CHPF2: variants seen among roughly 807,000 people sequenced by gnomAD.
CHPF2 encodes chondroitin polymerizing factor 2.
In CHPF2, 58 loss-of-function variants were observed where a neutral mutation model predicts 63.0. The ratio of observed to expected loss-of-function variants is 0.92; its 90% CI spans 0.75 to 1.15. CHPF2 has a LOEUF of 1.15. Among genes scored for constraint, CHPF2 ranks in the 50% most tolerant of loss-of-function variants. CHPF2 has a pLI of 0.00. For missense variants in CHPF2, 1,045 were observed against 1,035.4 expected (o/e 1.01, Z -0.13); for synonymous variants, 442 against 438.0 (o/e 1.01, Z -0.11).
Position 151,237,743 on chromosome 7 carries a change from G to C in CHPF2, c.1381G>C (p.Ala461Pro). Reference sequence around the variant, plus strand: ...TGTGACACAGCGTGGGCACCGGCGGGCCCTGGCTCGCAGGGTCAGCCTGCT... The same window carrying C: ...TGTGACACAGCGTGGGCACCGGCGGCCCCTGGCTCGCAGGGTCAGCCTGCT... The part of the protein sequence containing the change: ...ECVTQRGHRR[A>P]LARRVSLLRP... The change falls in exon 4 of 4, where the codon GCC (alanine) becomes CCC (proline). Residue 461 changes from alanine to proline, a missense_variant. Transcript: ENST00000035307. The C allele has an allele frequency of 6.2e-7, 1 of 1,612,456 alleles. No homozygotes were observed. Among genetic ancestry groups the C allele is most frequent in the East Asian group, 2.2e-5 (1 of 44,884 alleles).
In CHPF2 at chr7:151,238,501, G is replaced by C. The variant is rs779361524; in HGVS notation, c.2139G>C (p.Gly713=). ...EVMDVFLRFS[G]LHLFRAVEPG... ...TGGATGTTTTCCTCCGGTTCTCAGG[G>C]CTCCACCTCTTTCGGGCCGTAGAGC... The change falls in exon 4 of 4, where the codon GGG becomes GGC. Residue 713 remains glycine (G), a synonymous_variant. Coordinates refer to ENST00000035307, the MANE Select transcript of CHPF2 (RefSeq NM_019015.3). 2 of 1,599,794 alleles carry C rather than the reference G, an allele frequency of 1.3e-6. No homozygotes were observed. Among genetic ancestry groups the C allele is most frequent in the Admixed American group, 3.4e-5 (2 of 58,948 alleles).
Position 151,237,813 on chromosome 7 carries a change from C to T in CHPF2, c.1451C>T (p.Thr484Ile), listed in dbSNP as rs1357390354. Residue 484 changes from threonine (T) to isoleucine (I), a missense_variant, in exon 4 of 4, where the codon ACT (threonine) becomes ATT (isoleucine). Coordinates refer to ENST00000035307, the MANE Select transcript of CHPF2 (RefSeq NM_019015.3). Reference sequence around the variant, plus strand: ...GAAATCCTACCTATGCCCTATGTCACTGAGGCCACCCGAGTGCAGCTGGTG... The same window carrying T: ...GAAATCCTACCTATGCCCTATGTCATTGAGGCCACCCGAGTGCAGCTGGTG... ...RVEILPMPYV[T>I]EATRVQLVLP... The T allele has an allele frequency of 5.6e-6, 9 of 1,612,702 alleles. No homozygotes were observed. Among genetic ancestry groups the T allele is most frequent in the Non-Finnish European group, 5.9e-6 (7 of 1,180,020 alleles).
chr7:151,233,110 T>A lies in CHPF2; in HGVS notation c.-902T>A. The A allele has an allele frequency of 8.5e-7, 1 of 1,179,690 alleles. No homozygotes were observed. The highest frequency in any genetic ancestry group is 1.0e-6 in the Non-Finnish European group (1 of 953,414). 73.1% of individuals were successfully genotyped at this position (1,179,690 alleles called of 1,614,324 possible). The stretch of plus-strand genomic sequence containing the variant: ...GTCTCTAGTTGCTGCTTGTGCTCTC[T>A]CTTTGCTTTTGGTTTGCTTCATTTG... On this transcript the variant is annotated 5_prime_UTR_variant, in exon 1 of 4. Coordinates refer to ENST00000035307, the MANE Select transcript of CHPF2 (RefSeq NM_019015.3).
Position 151,238,019 on chromosome 7 carries a change from G to C in CHPF2, c.1657G>C (p.Glu553Gln). 1 of 1,613,006 alleles carries C rather than the reference G, an allele frequency of 6.2e-7. No homozygotes were observed. The highest frequency in any genetic ancestry group is 8.5e-7 in the Non-Finnish European group (1 of 1,180,032). The change falls in exon 4 of 4, where the codon GAG becomes CAG. Residue 553 changes from glutamate (E) to glutamine (Q), a missense_variant. By Grantham distance (29) the Glu-to-Gln change is conservative. Transcript: ENST00000035307. ...LGVKAAAAELERRYPGTRLAW... is the reference protein window; with the variant it reads ...LGVKAAAAELQRRYPGTRLAW... Reference sequence around the variant, plus strand: ...GGTGAAGGCTGCAGCAGCGGAGTTAGAGCGACGGTACCCTGGGACGAGGCT... The same window carrying C: ...GGTGAAGGCTGCAGCAGCGGAGTTACAGCGACGGTACCCTGGGACGAGGCT...
chr7:151,234,134 C>T lies in CHPF2; in HGVS notation c.123C>T (p.Pro41=). 2 of 1,613,174 alleles carry T rather than the reference C, an allele frequency of 1.2e-6. No homozygotes were observed. The highest frequency in any genetic ancestry group is 1.7e-6 in the Non-Finnish European group (2 of 1,179,566). Residue 41 remains proline, a synonymous_variant, in exon 1 of 4, where the codon CCC becomes CCT. Coordinates refer to ENST00000035307, the MANE Select transcript of CHPF2 (RefSeq NM_019015.3). The part of the protein sequence containing the change: ...VSWIQGEGED[P]CVEAVGERGG... ...GGATCCAGGGGGAGGGAGAAGATCC[C>T]TGTGTCGAGGCTGTAGGGGAGCGAG...
At chr7:151,237,310 G>A in intron 3 of CHPF2, 64 bp from the exon 4 acceptor site, 1 of 1,317,392 alleles carries the variant, frequency 7.6e-7, no homozygotes, top group Non-Finnish European at 1.0e-6. Flanking sequence ...CAGAGCCCAG[G>A]CAGCTGGAGC....
chr7:151,232,788 G>T lies in CHPF2; in HGVS notation c.-1224G>T. ...CGATGCTGTCTCTGGCGCGGCCTCC[G>T]CTCCCGCCGACTGGCCTGAGAACGA... On this transcript the variant is annotated 5_prime_UTR_variant, in exon 1 of 4. Coordinates refer to ENST00000035307, the MANE Select transcript of CHPF2 (RefSeq NM_019015.3). 1 of 1,502,832 alleles carries T rather than the reference G, an allele frequency of 6.7e-7. No individual in the cohort carries two copies. Among genetic ancestry groups the T allele is most frequent in the Non-Finnish European group, 8.8e-7 (1 of 1,132,466 alleles). The allele number at this position is 1,502,832 out of a possible 1,614,324, so 93.1% of individuals were successfully genotyped here.
chr7:151,236,198 A>G (rs1802642448), intron 2 of CHPF2, among the ~76,000 whole-genome samples: 1 of 152,240 alleles, frequency 6.6e-6, no homozygotes, highest in African/African-American at 2.4e-5. Context: ...AGAGTAGCCG[A>G]GAGTGTCCTT....
In CHPF2 at chr7:151,235,602, C is replaced by A. The variant is rs146361537; in HGVS notation, c.818C>A (p.Ser273Ter). ...LIDSLGVGCV[S>*]QHQGQQYRSF... ...GACTCTCTGGGCGTCGGCTGTGTCT[C>A]ACAGCACCAGGTGACAGCTCTTTCA... Residue 273 changes from serine to a stop codon, truncating the protein, a stop_gained, in exon 2 of 4, where the codon TCA (serine) becomes TAA (stop). Coordinates refer to ENST00000035307, the MANE Select transcript of CHPF2 (RefSeq NM_019015.3). LOFTEE classifies it high-confidence loss of function. The A allele has an allele frequency of 2.0e-4, 327 of 1,604,116 alleles. 1 individual carries two copies. Among genetic ancestry groups the A allele is most frequent in the South Asian group, 1.2e-3 (112 of 90,908 alleles).
Position 151,235,609 on chromosome 7 carries a change from C to G in CHPF2, c.825C>G (p.His275Gln), listed in dbSNP as rs969099128. The G allele has an allele frequency of 6.2e-6, 10 of 1,601,184 alleles. No individual in the cohort carries two copies. The highest frequency in any genetic ancestry group is 8.5e-6 in the Non-Finnish European group (10 of 1,174,818). The change falls in exon 2 of 4, where the codon CAC becomes CAG. Residue 275 changes from histidine (H) to glutamine (Q), a missense_variant. Transcript: ENST00000035307. ...DSLGVGCVSQ[H>Q]QGQQYRSFEL... Reference sequence around the variant, plus strand: ...TGGGCGTCGGCTGTGTCTCACAGCACCAGGTGACAGCTCTTTCAAGTCAGT... The same window carrying G: ...TGGGCGTCGGCTGTGTCTCACAGCAGCAGGTGACAGCTCTTTCAAGTCAGT...
Position 151,237,508 on chromosome 7 carries a change from C to T in CHPF2, c.1146C>T (p.His382=). 6.2e-7 allele frequency: 1 copy of T among 1,614,050 alleles called. No homozygotes were observed. The highest frequency in any genetic ancestry group is 1.3e-5 in the African/African-American group (1 of 75,060). Residue 382 remains histidine, a synonymous_variant, in exon 4 of 4, where the codon CAC becomes CAT. Transcript: ENST00000035307. ...GCTGGGACTACTTCACAGAGCAGCA[C>T]ACCTTCTCCTGTGCAGATGGGGCTC... The part of the protein sequence containing the change: ...VLGWDYFTEQ[H]TFSCADGAPK...
chr7:151,237,760 C>T lies in CHPF2; in HGVS notation c.1398C>T (p.Val466=). ...ACCGGCGGGCCCTGGCTCGCAGGGT[C>T]AGCCTGCTGCGGCCACTGAGCCGGG... The part of the protein sequence containing the change: ...RGHRRALARR[V]SLLRPLSRVE... The change falls in exon 4 of 4, where the codon GTC becomes GTT. Residue 466 remains valine, a synonymous_variant. Coordinates refer to ENST00000035307, the MANE Select transcript of CHPF2 (RefSeq NM_019015.3). 6.2e-7 allele frequency: 1 copy of T among 1,612,398 alleles called. No homozygotes were observed. Among genetic ancestry groups the T allele is most frequent in the South Asian group, 1.1e-5 (1 of 91,078 alleles).
Position 151,236,424 on chromosome 7 carries a change from C to T in CHPF2, c.845C>T (p.Ser282Leu), listed in dbSNP as rs745745470. The T allele has an allele frequency of 2.1e-4, 330 of 1,592,434 alleles. No individual in the cohort carries two copies. Among genetic ancestry groups the T allele is most frequent in the Non-Finnish European group, 2.7e-4 (317 of 1,164,452 alleles). Reference sequence around the variant, plus strand: ...TCCCTCTAGGGGCAGCAGTATCGCTCATTTGAACTGGCCAAAAATAGGGAC... The same window carrying T: ...TCCCTCTAGGGGCAGCAGTATCGCTTATTTGAACTGGCCAAAAATAGGGAC... Reference protein sequence around the residue: ...VSQHQGQQYRSFELAKNRDPE... With the variant: ...VSQHQGQQYRLFELAKNRDPE... Residue 282 changes from serine (S) to leucine (L), a missense_variant, in exon 3 of 4, where the codon TCA becomes TTA. Physicochemically the swap from Ser to Leu is moderately radical, Grantham distance 145. Coordinates refer to ENST00000035307, the MANE Select transcript of CHPF2 (RefSeq NM_019015.3).
At position 151,232,889 on chromosome 7, in the gene CHPF2, C is replaced by T. The variant is rs1197376473; in HGVS notation, c.-1123C>T. 5 of 1,383,470 alleles carry T rather than the reference C, an allele frequency of 3.6e-6. No homozygotes were observed. Among genetic ancestry groups the T allele is most frequent in the Non-Finnish European group, 4.7e-6 (5 of 1,073,468 alleles). 85.7% of individuals were successfully genotyped at this position (1,383,470 alleles called of 1,614,324 possible). A position where few individuals can be genotyped will look rare whatever the true frequency, so the allele number is the denominator to read the frequency against. ...CGACCCGAGCTGGTCTCCCGAGCCC[C>T]CTTCTCAGCAGCCCGGTGACGTGGC... On this transcript the variant is annotated 5_prime_UTR_variant, in exon 1 of 4. Coordinates refer to ENST00000035307, the MANE Select transcript of CHPF2 (RefSeq NM_019015.3).
rs145208514 is a variant in CHPF2 at position 151,235,053 on chromosome 7, G to C, written c.269G>C (p.Arg90Pro). 36 of 1,544,646 alleles carry C rather than the reference G, an allele frequency of 2.3e-5. No homozygotes were observed. The highest frequency in any genetic ancestry group is 2.9e-5 in the Non-Finnish European group (33 of 1,142,186). Residue 90 changes from arginine to proline, a missense_variant, in exon 2 of 4, where the codon CGG (arginine) becomes CCG (proline). By Grantham distance (103) the Arg-to-Pro change is moderately radical (BLOSUM62 -2). Transcript: ENST00000035307. The part of the protein sequence containing the change: ...NKPYKKVLRT[R>P]YIQTELGSRE... ...GCACACTGGTCTTTCCACAGGACTC[G>C]GTACATCCAGACAGAGCTGGGCTCC...
At chr7:151,237,104 C>G in intron 3 of CHPF2, 1 of 634,222 alleles carries the variant, frequency 1.6e-6, no homozygotes, top group South Asian at 1.6e-5. Flanking sequence ...TGTTGAGCTT[C>G]TATTTCAAGA....
Position 151,234,113 on chromosome 7 carries a change from C to G in CHPF2, c.102C>G (p.Ile34Met). ...CSLSLLRVSW[I>M]QGEGEDPCVE... ...TGAGCCTCCTGCGGGTTTCCTGGAT[C>G]CAGGGGGAGGGAGAAGATCCCTGTG... The change falls in exon 1 of 4, where the codon ATC becomes ATG. Residue 34 changes from isoleucine (I) to methionine (M), a missense_variant. Coordinates refer to ENST00000035307, the MANE Select transcript of CHPF2 (RefSeq NM_019015.3). The G allele has an allele frequency of 6.2e-7, 1 of 1,610,728 alleles. No individual in the cohort carries two copies. The highest frequency in any genetic ancestry group is 1.3e-5 in the African/African-American group (1 of 74,878).
rs1446504284 is a variant in CHPF2, at chr7:151,237,719, G to A, written c.1357G>A (p.Val453Met). ...EYTLDLLLECVTQRGHRRALA... is the reference protein window; with the variant it reads ...EYTLDLLLECMTQRGHRRALA... ...CACCCTGGACCTGCTGTTGGAATGT[G>A]TGACACAGCGTGGGCACCGGCGGGC... The change falls in exon 4 of 4, where the codon GTG (valine) becomes ATG (methionine). Residue 453 changes from valine (V) to methionine (M), a missense_variant. By Grantham distance (21) the Val-to-Met change is conservative (BLOSUM62 1). Coordinates refer to ENST00000035307, the MANE Select transcript of CHPF2 (RefSeq NM_019015.3). 1.9e-6 allele frequency: 3 copies of A among 1,612,794 alleles called. No individual in the cohort carries two copies. Among genetic ancestry groups the A allele is most frequent in the Non-Finnish European group, 2.5e-6 (3 of 1,179,924 alleles).
At position 151,232,790 on chromosome 7, in the gene CHPF2, TC is replaced by T. The variant is rs1267102593; in HGVS notation, c.-1219del. 8.0e-6 allele frequency: 12 copies of T among 1,503,464 alleles called. No individual in the cohort carries two copies. In the Admixed American group the frequency reaches 2.3e-4, roughly 29 times the overall value. 93.1% of individuals were successfully genotyped at this position (1,503,464 alleles called of 1,614,324 possible). On this transcript the variant is annotated 5_prime_UTR_variant, in exon 1 of 4. An upstream open reading frame in the 5' UTR gains an earlier in-frame stop. Transcript: ENST00000035307. ...ATGCTGTCTCTGGCGCGGCCTCCGCTCCCGCCGACTGGCCTGAGAACGAGGT... is the reference window on the plus strand; with the variant it reads ...ATGCTGTCTCTGGCGCGGCCTCCGCTCCGCCGACTGGCCTGAGAACGAGGT...
Sources: allele counts gnomAD v4.1 joint callset (sites outside exome capture counted in the v4.1 genomes callset), GRCh38; gene constraint gnomAD v4.1.1; transcripts MANE v1.5; gene names NCBI Gene and HGNC (gene_info 2026-07-23, HGNC 2026-07-21).